The following MSR1 variants were observed in gnomAD, a reference collection of about 807,000 sequenced individuals.
MSR1 encodes macrophage scavenger receptor 1, also known as macrophage scavenger receptor types I and II.
A neutral mutation model predicts 47.2 loss-of-function variants in MSR1; 53 were observed. The observed-to-expected ratio is 1.12, with a 90% confidence interval of 0.90 to 1.41. The LOEUF is 1.41. MSR1 is among the 40% of genes most tolerant of loss of function. The pLI, the probability that MSR1 is intolerant of heterozygous loss-of-function variation, is 0.00. For missense variants in MSR1, 786 were observed against 546.9 expected, an observed-to-expected ratio of 1.44 and a Z score of -4.36; for synonymous variants, 239 against 185.6, an observed-to-expected ratio of 1.29 and a Z score of -2.34.
chr8:16,115,649 G>A (rs1289337772), intron 9 of MSR1, among the ~76,000 whole-genome samples: 2 of 151,932 alleles, frequency 1.3e-5, no homozygotes, highest in Admixed American at 1.3e-4. Flanking sequence ...TTCTTTAGTT[G>A]TTTGGTACTG....
chr8:16,113,034 C>A (rs1245702396), intron 9 of MSR1, among the ~76,000 whole-genome samples: 7 of 149,094 alleles, frequency 4.7e-5, no homozygotes, highest in African/African-American at 1.7e-4. Flanking sequence ...CACTGCACTT[C>A]CGCTTCCTGG....
Position 16,171,954 on chromosome 8 carries a change from C to T in MSR1, c.218-3084G>A, listed in dbSNP as rs184378827. On this transcript the variant is annotated intron_variant, in intron 3 of 9. Coordinates refer to ENST00000262101, the MANE Select transcript of MSR1 (RefSeq NM_138715.3). ...AACTATATGTAAAATACTTAGACCA[C>T]TTCCTGGCATGTAATAAGCACTTGA... 1.6e-3 allele frequency among the ~76,000 whole-genome samples: 239 copies of T among 152,272 alleles called. 4 individuals are homozygous for T. Among genetic ancestry groups the T allele is most frequent in the South Asian group, 6.8e-3 (33 of 4,826 alleles).
At chr8:16,186,050 T>A in intron 1 of MSR1, 5 of 945,718 alleles carry the variant, frequency 5.3e-6, no homozygotes, top group Non-Finnish European at 7.8e-6. Flanking sequence ...GAATTTAAGT[T>A]GTTTTTCCTG....
At chr8:16,110,349 G>T in intron 9 of MSR1, 131 bp from the exon 10 acceptor site, 1 of 1,010,818 alleles carries the variant, frequency 9.9e-7, no homozygotes, top group Non-Finnish European at 1.5e-6. Context: ...CAAGTTCTGT[G>T]CTCTCTAGTA....
chr8:16,180,274 T>G (rs1212217021), intron 1 of MSR1, among the ~76,000 whole-genome samples: 1 of 151,768 alleles, frequency 6.6e-6, no homozygotes, highest in East Asian at 1.9e-4. Flanking sequence ...CTCTATTTTA[T>G]GTGCATACTA....
intron 8 of MSR1, among the ~76,000 whole-genome samples, chr8:16,130,314 T>C (rs1800226632): frequency 6.6e-6 from 1 of 152,162 alleles, no homozygotes; most frequent in African/African-American, 2.4e-5. Flanking sequence ...CAGTGTCATT[T>C]TTCCAATAGC....
At chr8:16,149,741 T>C (rs528510551) in intron 7 of MSR1, among the ~76,000 whole-genome samples, 2 of 152,240 alleles carry the variant, frequency 1.3e-5, no homozygotes, top group East Asian at 3.9e-4. Context: ...TTGCAGAGGA[T>C]AGGATTTCAG....
At chr8:16,117,966 T>G (rs1429897964) in intron 9 of MSR1, among the ~76,000 whole-genome samples, 1 of 152,194 alleles carries the variant, frequency 6.6e-6, no homozygotes, top group Non-Finnish European at 1.5e-5. Flanking sequence ...CCCTGGTCTG[T>G]GGAAAAATTG....
intron 7 of MSR1, among the ~76,000 whole-genome samples, chr8:16,149,437 C>G (rs1201991917): frequency 6.6e-6 from 1 of 151,780 alleles, no homozygotes; most frequent in African/African-American, 2.4e-5. Flanking sequence ...CTATGTTGCT[C>G]AGGCTCGTCT....
intron 3 of MSR1, among the ~76,000 whole-genome samples, chr8:16,170,386 G>A (rs973298749): frequency 6.6e-6 from 1 of 151,634 alleles, no homozygotes; most frequent in Non-Finnish European, 1.5e-5. Flanking sequence ...TATAGAGAAT[G>A]AGGAAAATGT....
At chr8:16,140,251 G>GT (rs1465925836) in intron 8 of MSR1, 1 of 983,242 alleles carries the variant, frequency 1.0e-6, no homozygotes, top group African/African-American at 1.8e-5. Context: ...AGTCCAGCCT[G>GT]TGCAATAGAA....
chr8:16,175,414 G>A, intron 2 of MSR1, 114 bp from the exon 3 acceptor site: 1 of 921,720 alleles, frequency 1.1e-6, no homozygotes, highest in Non-Finnish European at 1.7e-6. Flanking sequence ...GAATAAAAAA[G>A]AAGAAAAAAT....
chr8:16,143,665 G>T, intron 7 of MSR1, 54 bp from the exon 8 acceptor site: 3 of 1,341,996 alleles, frequency 2.2e-6, no homozygotes, highest in African/African-American at 1.4e-5. Context: ...CACAATGTTT[G>T]CTTTAACTGG....
chr8:16,183,283 G>A (rs1264356946), intron 1 of MSR1, among the ~76,000 whole-genome samples: 3 of 151,908 alleles, frequency 2.0e-5, no homozygotes, highest in Non-Finnish European at 2.9e-5. Flanking sequence ...AGGTAAGACC[G>A]TTTGTGAAAA....
intron 1 of MSR1, among the ~76,000 whole-genome samples, chr8:16,182,705 C>T (rs1408239991): frequency 6.6e-6 from 1 of 152,092 alleles, no homozygotes; most frequent in East Asian, 1.9e-4. Flanking sequence ...GAAAGATCTT[C>T]AGAAACAATA....
intron 5 of MSR1, among the ~76,000 whole-genome samples, chr8:16,158,453 T>A (rs1163051630): frequency 6.6e-6 from 1 of 151,986 alleles, no homozygotes; most frequent in Admixed American, 6.6e-5. Context: ...TCATTTAAAA[T>A]CCTCAGACGA....
chr8:16,123,587 T>A (rs1378421967), intron 8 of MSR1, among the ~76,000 whole-genome samples: 1 of 3,682 alleles, frequency 2.7e-4, no homozygotes, highest in Non-Finnish European at 3.1e-3. Context: ...CATGTATATG[T>A]GTGTGTGTGT....
chr8:16,120,615 T>C lies in MSR1; in HGVS notation c.1034-9A>G, dbSNP rs570362414. ...AACTTTCGTAAATGGAGCTGTAAAG[T>C]TAAAAAAAAAAAAAAAAAAAAAAAA... On this transcript the variant is annotated splice_polypyrimidine_tract_variant and intron_variant, in intron 8 of 9. Coordinates refer to ENST00000262101, the MANE Select transcript of MSR1 (RefSeq NM_138715.3). 2 of 1,334,190 alleles carry C rather than the reference T, an allele frequency of 1.5e-6. No homozygotes were observed. The highest frequency in any genetic ancestry group is 1.9e-6 in the Non-Finnish European group (2 of 1,058,788). 82.6% of individuals were successfully genotyped at this position (1,334,190 alleles called of 1,614,324 possible). A position where few individuals can be genotyped will look rare whatever the true frequency, so the allele number is the denominator to read the frequency against.
intron 1 of MSR1, among the ~76,000 whole-genome samples, chr8:16,188,995 T>C (rs1802084387): frequency 7.1e-6 from 1 of 141,516 alleles, no homozygotes; most frequent in African/African-American, 2.7e-5. Flanking sequence ...TATATATATA[T>C]ATAAAACAAC....
Sources: gnomAD v4.1 joint callset for allele counts (sites outside exome capture counted in the v4.1 genomes callset) on GRCh38, gnomAD v4.1.1 for gene constraint, MANE v1.5 for transcripts, NCBI Gene and HGNC (gene_info 2026-07-23, HGNC 2026-07-21) for gene names.